COL11A1: variants seen among roughly 807,000 people sequenced by gnomAD.
COL11A1 encodes collagen type XI alpha 1 chain, also known as collagen alpha-1(XI) chain.
Under a neutral mutation model 265.2 loss-of-function variants are expected in COL11A1, and 74 were observed. The ratio of observed to expected loss-of-function variants is 0.28; its 90% CI spans 0.23 to 0.34. COL11A1 has a LOEUF of 0.34. COL11A1 is among the 10% of genes least tolerant of loss of function. The pLI is 1.00. For missense variants in COL11A1, 2,165 were observed against 2,263.6 expected (o/e 0.96, Z 0.88); for synonymous variants, 816 against 727.6 (o/e 1.12, Z -1.96).
At chr1:102,939,565 A>G (rs548604100) in intron 43 of COL11A1, among the ~76,000 whole-genome samples, 53 of 144,084 alleles carry the variant, frequency 3.7e-4, no homozygotes, top group African/African-American at 1.4e-3. Flanking sequence ...TTAGCTGCAC[A>G]TGGTGAGGCA....
At chr1:103,000,508 G>A (rs890624017) in intron 24 of COL11A1, among the ~76,000 whole-genome samples, 1 of 151,880 alleles carries the variant, frequency 6.6e-6, no homozygotes, top group African/African-American at 2.4e-5. Flanking sequence ...GTGAAAAGAT[G>A]TTCAACAAAA....
chr1:102,944,074 G>A (rs1659014703), intron 42 of COL11A1, among the ~76,000 whole-genome samples: 9 of 152,088 alleles, frequency 5.9e-5, no homozygotes, highest in Admixed American at 5.9e-4. Context: ...TCCATTCTAG[G>A]AAGCAGGGTT....
At chr1:102,886,710 A>G in intron 63 of COL11A1, 97 bp downstream of exon 63, 10 of 1,465,588 alleles carry the variant, frequency 6.8e-6, no homozygotes, top group Non-Finnish European at 8.6e-6. Context: ...TTATTTAGAG[A>G]CTGTATTAAA....
intron 57 of COL11A1, among the ~76,000 whole-genome samples, chr1:102,896,460 C>T (rs948794555): frequency 2.0e-5 from 3 of 152,090 alleles, no homozygotes; most frequent in African/African-American, 7.2e-5. Flanking sequence ...TCATGAAGAC[C>T]AAGTAGCATT....
intron 57 of COL11A1, among the ~76,000 whole-genome samples, chr1:102,894,412 C>T (rs66626223): frequency 0.088 from 13,361 of 152,050 alleles, 701 homozygotes; most frequent in Middle Eastern, 0.16. Context: ...CACAAACCTG[C>T]AGCCCCAGCT....
intron 6 of COL11A1, 71 bp from the exon 7 acceptor site, chr1:103,025,684 A>G: frequency 6.4e-7 from 1 of 1,567,406 alleles, no homozygotes; most frequent in Non-Finnish European, 8.8e-7. Flanking sequence ...TCATGATTTA[A>G]TTGGGTTATA....
At chr1:103,045,023 G>T (rs74393398) in intron 4 of COL11A1, among the ~76,000 whole-genome samples, 6,238 of 152,036 alleles carry the variant, frequency 0.041, 219 homozygotes, top group African/African-American at 0.092. Flanking sequence ...ATATCTAAGA[G>T]AGAGCTTTCC....
Position 102,962,109 on chromosome 1 carries a change from C to A in COL11A1, c.3114+67G>T, listed in dbSNP as rs1660965692. 1.8e-5 allele frequency: 24 copies of A among 1,326,906 alleles called. No individual in the cohort carries two copies. The South Asian group carries it at 2.6e-4, about 14-fold the overall frequency. The allele number at this position is 1,326,906 out of a possible 1,614,324, so 82.2% of individuals were successfully genotyped here. A position where few individuals can be genotyped will look rare whatever the true frequency, so the allele number is the denominator to read the frequency against. ...TCCCTTAATCATCACTTCTTAAGTTCTGAGAAAAAATGCTTCTAATAAACA... is the reference window on the plus strand; with the variant it reads ...TCCCTTAATCATCACTTCTTAAGTTATGAGAAAAAATGCTTCTAATAAACA... On this transcript the variant is annotated intron_variant, in intron 40 of 66. Coordinates refer to ENST00000370096, the MANE Select transcript of COL11A1 (RefSeq NM_001854.4).
intron 50 of COL11A1, among the ~76,000 whole-genome samples, chr1:102,915,383 G>A (rs931289166): frequency 6.6e-6 from 1 of 152,142 alleles, no homozygotes; most frequent in Non-Finnish European, 1.5e-5. Flanking sequence ...AATGTATACA[G>A]TAAACAGCCC....
In COL11A1 at chr1:102,923,804, T is replaced by A. The variant is rs956048358; in HGVS notation, c.3601-415A>T. 3.3e-5 allele frequency among the ~76,000 whole-genome samples: 5 copies of A among 152,044 alleles called. No homozygotes were observed. The South Asian group carries it at 1.0e-3, about 31-fold the overall frequency. On this transcript the variant is annotated intron_variant, in intron 46 of 66. Transcript: ENST00000370096. ...AGGTACCAGTCTGGTAAAATAAATA[T>A]TCCAATACATTTCAAAGGTTATAAA...
intron 4 of COL11A1, 109 bp downstream of exon 4, chr1:103,074,509 G>C: frequency 4.8e-6 from 6 of 1,246,398 alleles, no homozygotes; most frequent in Non-Finnish European, 5.7e-6. Flanking sequence ...ACCCTTTAGA[G>C]TTTTCAACTT....
intron 41 of COL11A1, among the ~76,000 whole-genome samples, chr1:102,951,997 T>G (rs1659934420): frequency 6.6e-6 from 1 of 152,184 alleles, no homozygotes; most frequent in Non-Finnish European, 1.5e-5. Flanking sequence ...GTATGTTTAT[T>G]ATTTAAAATT....
intron 12 of COL11A1, 132 bp downstream of exon 12, chr1:103,015,536 T>C (rs936553205): frequency 3.2e-6 from 2 of 630,928 alleles, no homozygotes; most frequent in Non-Finnish European, 5.2e-6. Context: ...TTCCAAATGC[T>C]GCTTAATTTC....
chr1:103,043,588 TC>T (rs1223207513), intron 4 of COL11A1, among the ~76,000 whole-genome samples: 1 of 152,110 alleles, frequency 6.6e-6, no homozygotes, highest in Non-Finnish European at 1.5e-5. Context: ...AGACTTTATT[TC>T]AACACCTGTA....
At chr1:102,930,439 A>G (rs934520372) in intron 46 of COL11A1, among the ~76,000 whole-genome samples, 5 of 151,936 alleles carry the variant, frequency 3.3e-5, no homozygotes, top group African/African-American at 9.7e-5. Flanking sequence ...CCAGGGATGA[A>G]GCCCACTTCA....
intron 46 of COL11A1, among the ~76,000 whole-genome samples, chr1:102,924,004 C>T (rs970433926): frequency 1.4e-5 from 2 of 147,588 alleles, no homozygotes; most frequent in African/African-American, 5.1e-5. Flanking sequence ...GTCAGGAGAT[C>T]GAGACCATCC....
chr1:102,963,027 A>G lies in COL11A1; in HGVS notation c.2917-267T>C, dbSNP rs1399622685. 3.9e-5 allele frequency among the ~76,000 whole-genome samples: 6 copies of G among 152,314 alleles called. No individual in the cohort carries two copies. In the South Asian group the frequency reaches 1.0e-3, roughly 26 times the overall value. On this transcript the variant is annotated intron_variant, in intron 38 of 66. Transcript: ENST00000370096. ...AAAGATGTTTTCTTTGCTTAATACA[A>G]TAATTTCTGCAGAGTGTGGCCAGTC...
intron 43 of COL11A1, 44 bp from the exon 44 acceptor site, chr1:102,939,132 A>G (rs746153501): frequency 8.7e-6 from 13 of 1,502,286 alleles, no homozygotes; most frequent in Non-Finnish European, 1.2e-5. Context: ...CTAACATGCT[A>G]TTGCATTGTC....
chr1:103,054,696 G>A (rs1313452062), intron 4 of COL11A1, among the ~76,000 whole-genome samples: 1 of 152,086 alleles, frequency 6.6e-6, no homozygotes, highest in Non-Finnish European at 1.5e-5. Flanking sequence ...GAGGTCGGGA[G>A]TTCGAGACCA....
Sources: gnomAD v4.1 joint callset for allele counts (sites outside exome capture counted in the v4.1 genomes callset) on GRCh38, gnomAD v4.1.1 for gene constraint, MANE v1.5 for transcripts, NCBI Gene and HGNC (gene_info 2026-07-23, HGNC 2026-07-21) for gene names.